PRKG1: variants seen among roughly 807,000 people sequenced by gnomAD.
The protein encoded by PRKG1 is protein kinase cGMP-dependent 1, also known as cGMP-dependent protein kinase 1.
In PRKG1, 35 loss-of-function variants were observed where a neutral mutation model predicts 88.1. The ratio of observed to expected loss-of-function variants is 0.40; its 90% CI spans 0.30 to 0.53. The LOEUF (loss-of-function observed/expected upper bound fraction) is 0.53. Among genes scored for constraint, PRKG1 ranks in the 20% least tolerant of loss-of-function variants. The pLI is 0.59. For synonymous variants in PRKG1, 303 were observed against 292.5 expected, an observed-to-expected ratio of 1.04 and a Z score of -0.37; for missense variants, 540 against 839.8, an observed-to-expected ratio of 0.64 and a Z score of 4.41.
At chr10:52,042,338 A>G (rs1344683391) in intron 5 of PRKG1, among the ~76,000 whole-genome samples, 1 of 152,210 alleles carries the variant, frequency 6.6e-6, no homozygotes, top group Non-Finnish European at 1.5e-5. Flanking sequence ...CTAACAAGCT[A>G]TAGTAACCAA....
intron 2 of PRKG1, among the ~76,000 whole-genome samples, chr10:51,373,184 T>C (rs574002982): frequency 1.3e-4 from 20 of 152,300 alleles, no homozygotes; most frequent in African/African-American, 4.6e-4. Flanking sequence ...ATAAAAAAAC[T>C]TACTGTAACT....
At chr10:51,053,249 A>AT (rs56371493) in intron 1 of PRKG1, among the ~76,000 whole-genome samples, 109 of 30,570 alleles carry the variant, frequency 3.6e-3, no homozygotes, top group Non-Finnish European at 4.6e-3. Context: ...AAATAAATAA[A>AT]AACTAAAAAA....
intron 3 of PRKG1, among the ~76,000 whole-genome samples, chr10:51,472,513 A>G (rs1840074058): frequency 6.6e-6 from 1 of 151,968 alleles, no homozygotes; most frequent in African/African-American, 2.4e-5. Context: ...AAAAGACAAG[A>G]ATGCCAATTT....
At chr10:51,684,426 C>T (rs1295307532) in intron 3 of PRKG1, among the ~76,000 whole-genome samples, 2 of 151,854 alleles carry the variant, frequency 1.3e-5, no homozygotes, top group Non-Finnish European at 2.9e-5. Flanking sequence ...CTATGACTAT[C>T]GTAACAACCA....
chr10:51,750,969 A>G (rs1837709651), intron 3 of PRKG1, among the ~76,000 whole-genome samples: 2 of 152,100 alleles, frequency 1.3e-5, no homozygotes, highest in South Asian at 2.1e-4. Context: ...ACTATTTTTC[A>G]TCAGTGCCCC....
intron 9 of PRKG1, among the ~76,000 whole-genome samples, chr10:52,177,297 A>G (rs879522565): frequency 1.1e-4 from 16 of 152,082 alleles, no homozygotes; most frequent in Non-Finnish European, 2.2e-4. Flanking sequence ...TGTTGATGGT[A>G]TGTATGACAT....
chr10:51,154,941 C>T (rs1293273626), intron 2 of PRKG1, among the ~76,000 whole-genome samples: 1 of 151,896 alleles, frequency 6.6e-6, no homozygotes, highest in Non-Finnish European at 1.5e-5. Flanking sequence ...AAGATAGAGG[C>T]AATATCTTAA....
At chr10:51,438,567 G>A (rs1253042624) in intron 2 of PRKG1, among the ~76,000 whole-genome samples, 2 of 151,730 alleles carry the variant, frequency 1.3e-5, no homozygotes, top group African/African-American at 2.4e-5. Flanking sequence ...ATGAAACCAG[G>A]GTTATATTAT....
At chr10:51,944,925 T>C (rs954089493) in intron 5 of PRKG1, among the ~76,000 whole-genome samples, 1 of 151,762 alleles carries the variant, frequency 6.6e-6, no homozygotes, top group Admixed American at 6.6e-5. Context: ...AAAAAATGTA[T>C]ATTCTGTTGA....
At chr10:51,627,536 A>C (rs541963820) in intron 3 of PRKG1, among the ~76,000 whole-genome samples, 1 of 152,246 alleles carries the variant, frequency 6.6e-6, no homozygotes, top group African/African-American at 2.4e-5. Flanking sequence ...GCTTCTTGTT[A>C]ATGTTTTGAA....
intron 1 of PRKG1, among the ~76,000 whole-genome samples, chr10:51,094,340 A>T (rs1340328631): frequency 6.6e-6 from 1 of 152,134 alleles, no homozygotes; most frequent in East Asian, 1.9e-4. Flanking sequence ...AATCTTAATA[A>T]TTAGGAAACA....
intron 4 of PRKG1, among the ~76,000 whole-genome samples, chr10:51,895,285 G>A (rs1841816104): frequency 6.6e-6 from 1 of 152,176 alleles, no homozygotes; most frequent in Admixed American, 6.5e-5. Flanking sequence ...CCTCTTTAGA[G>A]CCCTGTCCTT....
chr10:52,095,787 T>C (rs1847158602), intron 7 of PRKG1, among the ~76,000 whole-genome samples: 1 of 152,192 alleles, frequency 6.6e-6, no homozygotes, highest in Non-Finnish European at 1.5e-5. Context: ...AGATACATTG[T>C]TGAGCAAAAC....
chr10:51,658,405 G>A (rs1466626664), intron 3 of PRKG1, among the ~76,000 whole-genome samples: 4 of 152,056 alleles, frequency 2.6e-5, no homozygotes, highest in Admixed American at 1.3e-4. Flanking sequence ...CTGAGGGTGG[G>A]AGAATAGACA....
At chr10:51,530,252 G>C (rs1434176397) in intron 3 of PRKG1, among the ~76,000 whole-genome samples, 1 of 152,120 alleles carries the variant, frequency 6.6e-6, no homozygotes, top group African/African-American at 2.4e-5. Flanking sequence ...TTTCCCAGAT[G>C]TTTGCAATTT....
chr10:51,853,985 C>T (rs1157389690), intron 4 of PRKG1, among the ~76,000 whole-genome samples: 1 of 151,946 alleles, frequency 6.6e-6, no homozygotes, highest in Non-Finnish European at 1.5e-5. Flanking sequence ...ATTGTTTTCA[C>T]TTCAAAAAAC....
chr10:52,140,858 A>G (rs1405063795), intron 8 of PRKG1, among the ~76,000 whole-genome samples: 1 of 152,090 alleles, frequency 6.6e-6, no homozygotes, highest in Non-Finnish European at 1.5e-5. Context: ...CTTCTTATAT[A>G]GCTTGTCACT....
chr10:51,649,209 T>C lies in PRKG1; in HGVS notation c.593-155376T>C, dbSNP rs1839983211. Among the ~76,000 whole-genome samples, 4 of 152,176 alleles carry C rather than the reference T, an allele frequency of 2.6e-5. No individual in the cohort carries two copies. In the South Asian group the frequency reaches 8.3e-4, roughly 32 times the overall value. On this transcript the variant is annotated intron_variant, in intron 3 of 17. Transcript: ENST00000373980. ...AAAATAGGAGCTCCTACTTTCTTTT[T>C]CAAAACCAGTAATTCGCTTTCATTG...
chr10:51,274,450 T>A (rs1395658511), intron 2 of PRKG1, among the ~76,000 whole-genome samples: 1 of 152,184 alleles, frequency 6.6e-6, no homozygotes, highest in African/African-American at 2.4e-5. Context: ...AAGTAATAAT[T>A]GTTCTAAGTG....
Sources: allele counts gnomAD v4.1 joint callset (sites outside exome capture counted in the v4.1 genomes callset), GRCh38; gene constraint gnomAD v4.1.1; transcripts MANE v1.5; gene names NCBI Gene and HGNC (gene_info 2026-07-23, HGNC 2026-07-21).